TECRL: variants seen among roughly 807,000 people sequenced by gnomAD.
The protein encoded by TECRL is trans-2,3-enoyl-CoA reductase-like.
In TECRL, 63 loss-of-function variants were observed where a neutral mutation model predicts 52.8. That is an observed-to-expected ratio of 1.19 (90% CI 0.97 to 1.47). The LOEUF (loss-of-function observed/expected upper bound fraction) is 1.47, where lower values mean the gene tolerates loss of function less well. Among genes scored for constraint, TECRL ranks in the 40% most tolerant of loss-of-function variants. TECRL has a pLI of 0.00. For missense variants in TECRL, 482 were observed against 429.6 expected (o/e 1.12, Z -1.08); for synonymous variants, 164 against 141.9 (o/e 1.16, Z -1.10).
At chr4:64,327,009 A>T (rs1370188366) in intron 3 of TECRL, among the ~76,000 whole-genome samples, 1 of 152,118 alleles carries the variant, frequency 6.6e-6, no homozygotes, top group East Asian at 1.9e-4. Context: ...GCCAATCATC[A>T]TATGCATTAT....
At position 64,324,320 on chromosome 4, in the gene TECRL, C is replaced by T. The variant is rs140463402; in HGVS notation, c.332-1528G>A. ...TTGTTTTATTTAAAGAAATGTATAC[C>T]AAGCAGGAAGAAAAATGAGTAGACT... On this transcript the variant is annotated intron_variant, in intron 3 of 11. Coordinates refer to ENST00000381210, the MANE Select transcript of TECRL (RefSeq NM_001010874.5). Among the ~76,000 whole-genome samples, 41 of 151,396 alleles carry T rather than the reference C, an allele frequency of 2.7e-4. No homozygotes were observed. In the East Asian group the frequency reaches 7.0e-3, roughly 26 times the overall value.
At chr4:64,305,522 T>C (rs566847399) in intron 6 of TECRL, among the ~76,000 whole-genome samples, 166 of 152,268 alleles carry the variant, frequency 1.1e-3, no homozygotes, top group African/African-American at 3.9e-3. Context: ...GGACTGTGCC[T>C]GCACTGCCCC....
intron 4 of TECRL, among the ~76,000 whole-genome samples, chr4:64,320,876 T>C (rs1273115435): frequency 6.6e-6 from 1 of 152,098 alleles, no homozygotes; most frequent in Non-Finnish European, 1.5e-5. Flanking sequence ...TTCTAAACAT[T>C]AAAATGTGCT....
chr4:64,400,486 G>A lies in TECRL; in HGVS notation c.234+8632C>T, dbSNP rs113451767. Among the ~76,000 whole-genome samples, 1,153 of 152,216 alleles carry A rather than the reference G, an allele frequency of 7.6e-3. 12 individuals carry two copies. The highest frequency in any genetic ancestry group is 0.025 in the African/African-American group (1,050 of 41,526). On this transcript the variant is annotated intron_variant, in intron 1 of 11. Coordinates refer to ENST00000381210, the MANE Select transcript of TECRL (RefSeq NM_001010874.5). The stretch of plus-strand genomic sequence containing the variant: ...GATGGTATTTTGAAATGTGACAAGG[G>A]CATGAGATTTTGGAGGGACCAAGGG...
chr4:64,408,354 C>T (rs1428661331), intron 1 of TECRL, among the ~76,000 whole-genome samples: 1 of 151,796 alleles, frequency 6.6e-6, no homozygotes, highest in Non-Finnish European at 1.5e-5. Context: ...ATGCCTTTCT[C>T]ATATTAAGTT....
At chr4:64,397,723 T>C (rs1486049524) in intron 1 of TECRL, 1 of 152,192 alleles carries the variant, frequency 6.6e-6, no homozygotes, top group Non-Finnish European at 1.5e-5. Context: ...CGGATTTGTA[T>C]GTCATTGCTA....
chr4:64,342,165 T>G (rs1415940225), intron 2 of TECRL, among the ~76,000 whole-genome samples: 1 of 152,188 alleles, frequency 6.6e-6, no homozygotes, highest in Non-Finnish European at 1.5e-5. Flanking sequence ...CCTAGTATTT[T>G]CTGCCTGTTA....
chr4:64,296,706 A>G (rs1335064020), intron 8 of TECRL, among the ~76,000 whole-genome samples: 2 of 151,742 alleles, frequency 1.3e-5, no homozygotes, highest in African/African-American at 2.4e-5. Context: ...TAGGTAAAGT[A>G]TATTTTGTTT....
intron 1 of TECRL, among the ~76,000 whole-genome samples, chr4:64,380,175 T>G (rs1722686848): frequency 6.6e-6 from 1 of 152,136 alleles, no homozygotes; most frequent in Non-Finnish European, 1.5e-5. Context: ...GTTATATATC[T>G]GTTGGCCATT....
intron 9 of TECRL, among the ~76,000 whole-genome samples, chr4:64,289,196 C>A (rs980377537): frequency 6.6e-6 from 1 of 152,166 alleles, no homozygotes; most frequent in African/African-American, 2.4e-5. Context: ...TAGTTCAAAA[C>A]CACAGTTACT....
chr4:64,284,461 A>G (rs980028472), intron 9 of TECRL, among the ~76,000 whole-genome samples: 2 of 111,062 alleles, frequency 1.8e-5, no homozygotes, highest in African/African-American at 5.7e-5. Flanking sequence ...TCAAAAATAC[A>G]GGGAATATGG....
At chr4:64,287,066 T>C (rs538842743) in intron 9 of TECRL, among the ~76,000 whole-genome samples, 1 of 152,252 alleles carries the variant, frequency 6.6e-6, no homozygotes, top group Admixed American at 6.6e-5. Context: ...CAGATAAAAA[T>C]GGCATTCAAT....
chr4:64,380,631 AT>A (rs1471362563), intron 1 of TECRL, among the ~76,000 whole-genome samples: 1 of 152,040 alleles, frequency 6.6e-6, no homozygotes, highest in Non-Finnish European at 1.5e-5. Context: ...GATATCCAGT[AT>A]TTTTAGCATC....
At chr4:64,387,455 A>C (rs1177188282) in intron 1 of TECRL, among the ~76,000 whole-genome samples, 1 of 152,134 alleles carries the variant, frequency 6.6e-6, no homozygotes, top group Non-Finnish European at 1.5e-5. Flanking sequence ...CTGTATGGTA[A>C]GAATATATTT....
intron 5 of TECRL, among the ~76,000 whole-genome samples, chr4:64,310,429 T>G (rs984829887): frequency 2.0e-5 from 3 of 152,178 alleles, no homozygotes; most frequent in Admixed American, 6.5e-5. Context: ...ATAATGTAGT[T>G]TTGTGCTTTG....
intron 2 of TECRL, among the ~76,000 whole-genome samples, chr4:64,370,311 A>T (rs955794589): frequency 6.6e-6 from 1 of 151,720 alleles, no homozygotes; most frequent in Non-Finnish European, 1.5e-5. Flanking sequence ...TTTTAGAAAT[A>T]GATTCTCCAA....
At position 64,289,711 on chromosome 4, in the gene TECRL, T is replaced by G. The variant is rs1046062869; in HGVS notation, c.831A>C (p.Thr277=). 2.0e-6 allele frequency: 3 copies of G among 1,536,582 alleles called. No homozygotes were observed. Among genetic ancestry groups the G allele is most frequent in the Admixed American group, 2.4e-5 (1 of 41,862 alleles). The change falls in exon 9 of 12, where the codon ACA becomes ACC. Residue 277 remains threonine (T), a splice_region_variant and synonymous_variant. Transcript: ENST00000381210. Reference sequence around the variant, plus strand: ...AAAGAAAAAGAAAAAAGAACTAACCTGTGTGATTGGGATGAGACAACATTA... The same window carrying G: ...AAAGAAAAAGAAAAAAGAACTAACCGGTGTGATTGGGATGAGACAACATTA... The part of the protein sequence containing the change: ...INVMLSHPNH[T]GNNACFPSPN...
chr4:64,369,228 T>G (rs2109651252), intron 2 of TECRL, among the ~76,000 whole-genome samples: 1 of 152,274 alleles, frequency 6.6e-6, no homozygotes, highest in East Asian at 1.9e-4. Flanking sequence ...CTCTTTCAAT[T>G]TATATATTAC....
At chr4:64,287,245 A>G (rs1183073191) in intron 9 of TECRL, among the ~76,000 whole-genome samples, 3 of 152,172 alleles carry the variant, frequency 2.0e-5, no homozygotes, top group Non-Finnish European at 4.4e-5. Flanking sequence ...AATACTCAAA[A>G]AGTTGAGTAC....
Sources: gnomAD v4.1 joint callset for allele counts (sites outside exome capture counted in the v4.1 genomes callset) on GRCh38, gnomAD v4.1.1 for gene constraint, MANE v1.5 for transcripts, NCBI Gene and HGNC (gene_info 2026-07-23, HGNC 2026-07-21) for gene names.